CCNJL: variants seen among roughly 807,000 people sequenced by gnomAD.
CCNJL encodes the protein cyclin J like.
A neutral mutation model predicts 33.4 loss-of-function variants in CCNJL; 33 were observed. The observed-to-expected ratio is 0.99, with a 90% CI of 0.75 to 1.32. The LOEUF (loss-of-function observed/expected upper bound fraction) is 1.32, where lower values mean the gene tolerates loss of function less well. Among genes scored for constraint, CCNJL ranks in the 40% most tolerant of loss-of-function variants. The pLI is 0.00. For missense variants in CCNJL, 512 were observed against 499.7 expected (o/e 1.02, Z -0.23); for synonymous variants, 227 against 220.9 (o/e 1.03, Z -0.24).
intron 3 of CCNJL, among the ~76,000 whole-genome samples, chr5:160,276,933 G>A (rs996143958): frequency 1.3e-5 from 2 of 152,012 alleles, no homozygotes; most frequent in African/African-American, 4.8e-5. Context: ...ACAGGCATGA[G>A]CCACCAACAC....
At chr5:160,320,822 T>TTTCTTTCC (rs1763435282) in intron 1 of CCNJL, among the ~76,000 whole-genome samples, 3 of 113,292 alleles carry the variant, frequency 2.6e-5, no homozygotes, top group African/African-American at 1.1e-4. Context: ...TCTTTCTTTC[T>TTTCTTTCC]TTCTTTCTTT....
intron 5 of CCNJL, chr5:160,254,773 C>T (rs1358667152): frequency 1.3e-5 from 2 of 158,252 alleles, no homozygotes; most frequent in African/African-American, 2.4e-5. Context: ...CTCATGATGC[C>T]TTTAAGTATC....
chr5:160,256,786 T>C (rs9313841), intron 4 of CCNJL, among the ~76,000 whole-genome samples: 24,822 of 151,020 alleles, frequency 0.16, 2,492 homozygotes, highest in African/African-American at 0.28. Context: ...CGCGTGGTGG[T>C]GGGCGCCTGT....
chr5:160,261,457 G>A (rs1761329005), intron 3 of CCNJL: 2 of 152,320 alleles, frequency 1.3e-5, no homozygotes, highest in African/African-American at 2.4e-5. Flanking sequence ...AGCCTGCAAT[G>A]GTGCTGTGTC....
upstream of CCNJL, among the ~76,000 whole-genome samples, chr5:160,317,422 T>C (rs1434397086): frequency 6.6e-6 from 1 of 152,218 alleles, no homozygotes; most frequent in Admixed American, 6.5e-5. Flanking sequence ...AATTTTATCG[T>C]TGAACCTGTG....
chr5:160,325,371 G>C (rs947312490), intron 1 of CCNJL, among the ~76,000 whole-genome samples: 2 of 152,054 alleles, frequency 1.3e-5, no homozygotes, highest in Admixed American at 1.3e-4. Context: ...TTTCCTGCTT[G>C]CCCAATCTTA....
chr5:160,280,893 C>G, intron 2 of CCNJL, 155 bp from the exon 3 acceptor site: 1 of 705,608 alleles, frequency 1.4e-6, no homozygotes, highest in African/African-American at 1.7e-5. Flanking sequence ...GGCAGCCCCG[C>G]CTGGGCTATC....
intron 1 of CCNJL, among the ~76,000 whole-genome samples, chr5:160,339,226 A>T (rs1187133854): frequency 6.6e-6 from 1 of 150,492 alleles, no homozygotes; most frequent in Non-Finnish European, 1.5e-5. Context: ...CAAGACATGG[A>T]TAATACTTAA....
chr5:160,282,968 T>A (rs182967672), intron 2 of CCNJL, among the ~76,000 whole-genome samples: 2,128 of 25,860 alleles, frequency 0.082, 156 homozygotes, highest in African/African-American at 0.28. Context: ...GTCCTTGGAA[T>A]ATATATATAT....
chr5:160,301,214 T>TA (rs910879441), intron 2 of CCNJL, among the ~76,000 whole-genome samples: 3 of 152,106 alleles, frequency 2.0e-5, no homozygotes, highest in South Asian at 4.1e-4. Flanking sequence ...TAAAAAGAAA[T>TA]AAACTCCTGA....
rs571587465 is a variant in CCNJL at position 160,255,323 on chromosome 5, T to A, written c.743+226A>T. 1.6e-3 allele frequency: 584 copies of A among 365,118 alleles called. 2 individuals are homozygous for A. Among genetic ancestry groups the A allele is most frequent in the Non-Finnish European group, 2.2e-3 (452 of 202,952 alleles). 22.6% of individuals were successfully genotyped at this position (365,118 alleles called of 1,614,324 possible). The stretch of plus-strand genomic sequence containing the variant: ...GCGAGACTCTGTCTCAAAAAAAAAA[T>A]AAAATAAAATAAAAAGCAAACCTGA... On this transcript the variant is annotated intron_variant, in intron 5 of 5. Coordinates refer to ENST00000257536, the MANE Select transcript of CCNJL (RefSeq NM_001308173.3).
intron 2 of CCNJL, among the ~76,000 whole-genome samples, chr5:160,299,148 TA>T (rs200963649): frequency 2.0e-5 from 3 of 147,138 alleles, no homozygotes; most frequent in East Asian, 1.9e-4. Context: ...CTAGCTAATT[TA>T]AAAAAAAATT....
intron 1 of CCNJL, among the ~76,000 whole-genome samples, chr5:160,332,742 A>T (rs1763625695): frequency 6.6e-6 from 1 of 150,798 alleles, no homozygotes; most frequent in South Asian, 2.1e-4. Context: ...TTTCCCAGCC[A>T]CCTATTATAG....
At chr5:160,254,277 C>T (rs1760956572) in intron 5 of CCNJL, 1 of 641,078 alleles carries the variant, frequency 1.6e-6, no homozygotes, top group Admixed American at 2.6e-5. Context: ...CACTCCTTAG[C>T]TAGCTGATAT....
At chr5:160,326,902 T>C (rs1763543691) in intron 1 of CCNJL, 2 of 674,492 alleles carry the variant, frequency 3.0e-6, no homozygotes, top group Non-Finnish European at 5.7e-6. Context: ...TAAAACAAAG[T>C]CATGAATACG....
In CCNJL at chr5:160,312,471, C is replaced by T. The variant is rs1248506941; in HGVS notation, c.-157G>A. 1 of 151,968 alleles carries T rather than the reference C, an allele frequency of 6.6e-6. No individual in the cohort carries two copies. Among genetic ancestry groups the T allele is most frequent in the African/African-American group, 2.4e-5 (1 of 41,402 alleles). 9.4% of individuals were successfully genotyped at this position (151,968 alleles called of 1,614,324 possible). On this transcript the variant is annotated 5_prime_UTR_variant, in exon 1 of 6. Transcript: ENST00000257536. The stretch of plus-strand genomic sequence containing the variant: ...GGTTGGACCCTCGTCCGAGGCGCTC[C>T]GCACTCCCGACGGCCGCCTCCGCAG...
chr5:160,257,686 A>G (rs1005892130), intron 4 of CCNJL, among the ~76,000 whole-genome samples: 5 of 151,982 alleles, frequency 3.3e-5, no homozygotes, highest in African/African-American at 1.2e-4. Flanking sequence ...AACCTTGGGT[A>G]AGTTACAGCA....
chr5:160,263,323 A>AT (rs1761430104), intron 3 of CCNJL, among the ~76,000 whole-genome samples: 1 of 152,206 alleles, frequency 6.6e-6, no homozygotes, highest in South Asian at 2.1e-4. Flanking sequence ...ACATTTTCTA[A>AT]TATTCAGTCC....
chr5:160,271,012 ACAC>A (rs1385135325), intron 3 of CCNJL, among the ~76,000 whole-genome samples: 1 of 152,198 alleles, frequency 6.6e-6, no homozygotes, highest in Non-Finnish European at 1.5e-5. Flanking sequence ...TCCTGTCTAG[ACAC>A]CACAATGCTT....
Sources: gnomAD v4.1 joint callset for allele counts (sites outside exome capture counted in the v4.1 genomes callset) on GRCh38, gnomAD v4.1.1 for gene constraint, MANE v1.5 for transcripts, NCBI Gene and HGNC (gene_info 2026-07-23, HGNC 2026-07-21) for gene names.